Variants in RFX1 observed in about 807,000 individuals in gnomAD.
The protein encoded by RFX1 is MHC class II regulatory factor RFX1.
RFX1 carries 42 observed loss-of-function variants against 119.6 expected under a neutral mutation model. That is an observed-to-expected ratio of 0.35 (90% confidence interval 0.27 to 0.45). RFX1 has a LOEUF of 0.45. Among genes scored for constraint, RFX1 ranks in the 20% least tolerant of loss-of-function variants. RFX1 has a pLI of 1.00. For synonymous variants in RFX1, 628 were observed against 618.5 expected (o/e 1.02, Z -0.23); for missense variants, 1,118 against 1,368.1 (o/e 0.82, Z 2.88).
At chr19:13,963,440 G>C (rs1973783676) in intron 18 of RFX1, 98 bp downstream of exon 18, 1 of 1,435,678 alleles carries the variant, frequency 7.0e-7, no homozygotes, top group African/African-American at 1.4e-5. Context: ...TGCCCGCCCA[G>C]CCTGCAGGCT....
At chr19:13,963,444 G>A in intron 18 of RFX1, 94 bp downstream of exon 18, 1 of 1,437,340 alleles carries the variant, frequency 7.0e-7, no homozygotes, top group Non-Finnish European at 9.4e-7. Flanking sequence ...CGCCCAGCCT[G>A]CAGGCTCGGG....
intron 8 of RFX1, 83 bp downstream of exon 8, chr19:13,977,909 G>T: frequency 9.3e-7 from 1 of 1,077,276 alleles, no homozygotes; most frequent in Non-Finnish European, 1.4e-6. Flanking sequence ...CTGGGGGCTG[G>T]GACTGGGGAC....
chr19:13,978,755 G>A (rs1974336304), intron 7 of RFX1, among the ~76,000 whole-genome samples: 1 of 152,156 alleles, frequency 6.6e-6, no homozygotes, highest in Admixed American at 6.5e-5. Context: ...CCTACTTTGA[G>A]GGCCGTGGCG....
At chr19:13,987,292 G>A (rs756559305) in intron 2 of RFX1, among the ~76,000 whole-genome samples, 11 of 152,084 alleles carry the variant, frequency 7.2e-5, no homozygotes, top group Non-Finnish European at 2.9e-5. Context: ...TATTGTTCCT[G>A]ACCAGGGAAA....
At chr19:13,967,410 A>G (rs1032016975) in intron 12 of RFX1, among the ~76,000 whole-genome samples, 1 of 151,592 alleles carries the variant, frequency 6.6e-6, no homozygotes, top group Non-Finnish European at 1.5e-5. Flanking sequence ...TCCTGGACTC[A>G]AGCAATTCCT....
intron 1 of RFX1, among the ~76,000 whole-genome samples, chr19:13,995,067 G>A (rs1005659062): frequency 5.3e-5 from 8 of 150,612 alleles, no homozygotes; most frequent in South Asian, 2.1e-4. Flanking sequence ...CACCACGCCC[G>A]GCCTATTTCA....
rs1974498404 is a variant in RFX1 at position 13,983,504 on chromosome 19, C to G, written c.411G>C (p.Gln137His). ...QTGVPTQVVQ[Q>H]VQGTQQRLLV... ...ATCCTACCTGCTGGGTGCCCTGCAC[C>G]TGCTGAACCACCTGAGTAGGAACGC... The change falls in exon 3 of 21, where the codon CAG becomes CAC. Residue 137 changes from glutamine (Q) to histidine (H), a missense_variant. Physicochemically the swap from Gln to His is conservative, Grantham distance 24 (BLOSUM62 0). This residue lies in a region of RFX1 where 542 missense variants were observed against 602.7 expected (regional missense o/e 0.90). Transcript: ENST00000254325. The G allele has an allele frequency of 6.2e-7, 1 of 1,610,488 alleles. No homozygotes were observed. The highest frequency in any genetic ancestry group is 1.7e-5 in the Admixed American group (1 of 59,800).
rs536860896 is a variant in RFX1 at position 13,964,871 on chromosome 19, G to T, written c.2211+578C>A. On this transcript the variant is annotated intron_variant, in intron 16 of 20. Transcript: ENST00000254325. ...ATTGCTGTGTACTGAGAAGGAGGTT[G>T]TGTGAATACATGAATACATGAGTCT... Among the ~76,000 whole-genome samples, 13 of 152,320 alleles carry T rather than the reference G, an allele frequency of 8.5e-5. No individual in the cohort carries two copies. The South Asian group carries it at 2.7e-3, about 32-fold the overall frequency.
intron 8 of RFX1, among the ~76,000 whole-genome samples, chr19:13,973,433 G>A (rs1159349935): frequency 6.6e-6 from 1 of 152,040 alleles, no homozygotes; most frequent in Non-Finnish European, 1.5e-5. Context: ...GCCACATAGT[G>A]AAAACCCATC....
chr19:13,981,198 T>C (rs1227567027), intron 5 of RFX1, among the ~76,000 whole-genome samples: 1 of 152,226 alleles, frequency 6.6e-6, no homozygotes, highest in Non-Finnish European at 1.5e-5. Context: ...TAGAGCCCCA[T>C]GTCTGCTCTG....
At chr19:13,996,286 C>T (rs1975014609) in intron 1 of RFX1, among the ~76,000 whole-genome samples, 1 of 152,220 alleles carries the variant, frequency 6.6e-6, no homozygotes, top group Non-Finnish European at 1.5e-5. Flanking sequence ...TGGCTCCTGC[C>T]TGGCCCCAGA....
chr19:13,963,903 G>C lies in RFX1; in HGVS notation c.2316C>G (p.Asn772Lys). 6.5e-7 allele frequency: 1 copy of C among 1,550,016 alleles called. No individual in the cohort carries two copies. The highest frequency in any genetic ancestry group is 8.7e-7 in the Non-Finnish European group (1 of 1,148,548). The change falls in exon 17 of 21, where the codon AAC (asparagine) becomes AAG (lysine). Residue 772 changes from asparagine to lysine, a missense_variant. This residue lies in a region of RFX1 where 338 missense variants were observed against 508.9 expected (regional missense o/e 0.66). Coordinates refer to ENST00000254325, the MANE Select transcript of RFX1 (RefSeq NM_002918.5). ...CGCGGTTGAGGTCGCTCAGCATCTGGTTGATCTGTGCGGTGTTCTGCAGCA... is the reference window on the plus strand; with the variant it reads ...CGCGGTTGAGGTCGCTCAGCATCTGCTTGATCTGTGCGGTGTTCTGCAGCA... ...RAVLQNTAQI[N>K]QMLSDLNRVD...
rs886282942 is a variant in RFX1, at chr19:13,990,686, G to A, written c.319+2839C>T. ...CAAAAAATTAGCCAGGCATGGTGGC[G>A]GGCACCTATAGTCCCAGCTACTTGG... On this transcript the variant is annotated intron_variant, in intron 2 of 20. Coordinates refer to ENST00000254325, the MANE Select transcript of RFX1 (RefSeq NM_002918.5). This position sits in a 1 kb window ranked among gnomAD's most constrained non-coding sequence, Gnocchi z 4.1. Among the ~76,000 whole-genome samples the A allele has an allele frequency of 3.3e-5, 5 of 152,218 alleles. No homozygotes were observed. The highest frequency in any genetic ancestry group is 1.3e-4 in the Admixed American group (2 of 15,278).
At position 13,972,890 on chromosome 19, in the gene RFX1, G is replaced by A. The variant is rs767777485; in HGVS notation, c.1167C>T (p.Gly389=). The part of the protein sequence containing the change: ...SSGGGGSGGG[G]GGGGGGGGGG... ...CCCCGCCACCGCCTCCCCCGCCGCC[G>A]CCGCCACCACCACTGCCACCACCTC... The change falls in exon 9 of 21, where the codon GGC becomes GGT. Residue 389 remains glycine (G), a synonymous_variant. Transcript: ENST00000254325. The A allele has an allele frequency of 1.7e-5, 26 of 1,567,558 alleles. No homozygotes were observed. The highest frequency in any genetic ancestry group is 2.2e-4 in the Middle Eastern group (1 of 4,454).
Position 13,987,480 on chromosome 19 carries a change from G to A in RFX1, c.320-3885C>T, listed in dbSNP as rs76935191. Among the ~76,000 whole-genome samples the A allele has an allele frequency of 2.0e-4, 31 of 152,230 alleles. No individual in the cohort carries two copies. The East Asian group carries it at 4.6e-3, about 23-fold the overall frequency. ...CCTCCCTGGGTCCCTGGTCAGCTCCGATTGCTCCTGGCTTGGGAGAAGTCC... is the reference window on the plus strand; with the variant it reads ...CCTCCCTGGGTCCCTGGTCAGCTCCAATTGCTCCTGGCTTGGGAGAAGTCC... On this transcript the variant is annotated intron_variant, in intron 2 of 20. Transcript: ENST00000254325.
intron 1 of RFX1, among the ~76,000 whole-genome samples, chr19:13,997,604 T>A (rs1975079539): frequency 6.6e-6 from 1 of 152,230 alleles, no homozygotes; most frequent in East Asian, 1.9e-4. Flanking sequence ...TTTGTGCTGC[T>A]GAGGATGAAG....
chr19:14,005,517 A>G (rs1357132451), intron 1 of RFX1, among the ~76,000 whole-genome samples: 1 of 152,250 alleles, frequency 6.6e-6, no homozygotes, highest in Non-Finnish European at 1.5e-5. Context: ...CCGGTACTGC[A>G]GGAAAAGGGC....
chr19:13,962,860 C>T lies in RFX1; in HGVS notation c.2775G>A (p.Glu925=). The T allele has an allele frequency of 3.3e-6, 5 of 1,529,482 alleles. No homozygotes were observed. The highest frequency in any genetic ancestry group is 2.7e-5 in the African/African-American group (2 of 72,766). The allele number at this position is 1,529,482 out of a possible 1,614,324, so 94.7% of individuals were successfully genotyped here. The change falls in exon 21 of 21, where the codon GAG becomes GAA. Residue 925 remains glutamate, a synonymous_variant. Transcript: ENST00000254325. ...SLNPLDPDKD[E]EEEEEEESED... is the part of the protein sequence containing the mutation. ...CGCTCTCCTCCTCCTCTTCTTCCTC[C>T]TCGTCTGGAACACAGGGACCAAGTC...
At chr19:13,973,202 A>AG (rs767783434) in intron 8 of RFX1, 75 bp from the exon 9 acceptor site, 2 of 415,290 alleles carry the variant, frequency 4.8e-6, no homozygotes, top group South Asian at 3.3e-5. Flanking sequence ...CTGTGCAGGA[A>AG]GGGGGGTCCT....
Sources: gnomAD v4.1 joint callset for allele counts (sites outside exome capture counted in the v4.1 genomes callset) on GRCh38, gnomAD v4.1.1 for gene constraint, gnomAD v4.1.1 regional missense constraint, Gnocchi (gnomAD v3.1) non-coding constraint, MANE v1.5 for transcripts, NCBI Gene and HGNC (gene_info 2026-07-23, HGNC 2026-07-21) for gene names.